Variants in ANO2 observed in about 807,000 individuals in gnomAD.
The protein encoded by ANO2 is anoctamin-2.
A neutral mutation model predicts 124.2 loss-of-function variants in ANO2; 101 were observed. The ratio of observed to expected loss-of-function variants is 0.81; its 90% CI spans 0.69 to 0.96. ANO2 has a LOEUF of 0.96. ANO2 is among the 40% of genes least tolerant of loss of function. The pLI is 0.00. For missense variants in ANO2, 1,293 were observed against 1,274.5 expected (o/e 1.01, Z -0.22); for synonymous variants, 486 against 482.5 (o/e 1.01, Z -0.09).
intron 23 of ANO2, among the ~76,000 whole-genome samples, chr12:5,566,641 G>A (rs137862121): frequency 0.012 from 1,840 of 152,252 alleles, 21 homozygotes; most frequent in Non-Finnish European, 0.021. Context: ...GACTCTGCCC[G>A]GGTCAATCCC....
chr12:5,674,916 G>C (rs1285844512), intron 14 of ANO2, among the ~76,000 whole-genome samples: 1 of 151,982 alleles, frequency 6.6e-6, no homozygotes, highest in Non-Finnish European at 1.5e-5. Context: ...ACGGCTCTTA[G>C]GAACCCACAG....
At chr12:5,590,646 T>G (rs1445198745) in intron 20 of ANO2, among the ~76,000 whole-genome samples, 1 of 152,176 alleles carries the variant, frequency 6.6e-6, no homozygotes, top group African/African-American at 2.4e-5. Context: ...AGGTGGTTTC[T>G]AAAACCCAAA....
chr12:5,809,679 C>T (rs1407688692), intron 7 of ANO2, among the ~76,000 whole-genome samples: 2 of 152,198 alleles, frequency 1.3e-5, no homozygotes, highest in Non-Finnish European at 1.5e-5. Flanking sequence ...CGCCCTATCC[C>T]CCATCTTAAA....
chr12:5,914,960 A>T (rs1397690971), intron 3 of ANO2, among the ~76,000 whole-genome samples: 2 of 152,086 alleles, frequency 1.3e-5, no homozygotes, highest in South Asian at 4.2e-4. Flanking sequence ...GAGTGGGAGG[A>T]GGTGGGCCGA....
At chr12:5,698,502 A>T (rs1949280122) in intron 14 of ANO2, among the ~76,000 whole-genome samples, 3 of 152,252 alleles carry the variant, frequency 2.0e-5, no homozygotes, top group Admixed American at 1.3e-4. Flanking sequence ...AGGAGAAACC[A>T]GACCAGAAAA....
chr12:5,898,360 C>T (rs1371351372), intron 3 of ANO2, among the ~76,000 whole-genome samples: 2 of 152,148 alleles, frequency 1.3e-5, no homozygotes, highest in Non-Finnish European at 1.5e-5. Flanking sequence ...CTGGTCATCA[C>T]CTGCCATATG....
chr12:5,802,411 G>A (rs940291359), intron 9 of ANO2, among the ~76,000 whole-genome samples: 10 of 152,232 alleles, frequency 6.6e-5, no homozygotes, highest in South Asian at 6.2e-4. Context: ...GCTGGGAGGC[G>A]GTGCAGCAAT....
intron 16 of ANO2, among the ~76,000 whole-genome samples, chr12:5,627,928 T>C (rs1945498787): frequency 6.7e-6 from 1 of 150,276 alleles, no homozygotes; most frequent in African/African-American, 2.5e-5. Context: ...TCCCCTTCTC[T>C]ACAAAAAGTT....
chr12:5,830,606 G>A (rs771650708), intron 5 of ANO2, 117 bp from the exon 6 acceptor site: 5 of 738,400 alleles, frequency 6.8e-6, no homozygotes, highest in Non-Finnish European at 1.1e-5. Flanking sequence ...CTTATGAGGT[G>A]CACACACACA....
chr12:5,569,915 G>T (rs1425859358), intron 23 of ANO2, among the ~76,000 whole-genome samples: 4 of 152,180 alleles, frequency 2.6e-5, no homozygotes, highest in African/African-American at 4.8e-5. Context: ...TACACAATAT[G>T]TGTCTATGAA....
At chr12:5,730,861 T>C (rs981287490) in intron 14 of ANO2, among the ~76,000 whole-genome samples, 10 of 152,242 alleles carry the variant, frequency 6.6e-5, no homozygotes, top group African/African-American at 2.4e-4. Flanking sequence ...CATTAGATGC[T>C]TTGAGCTTTG....
chr12:5,610,454 C>T (rs1310219304), intron 19 of ANO2, among the ~76,000 whole-genome samples: 2 of 128,932 alleles, frequency 1.6e-5, no homozygotes, highest in East Asian at 2.2e-4. Context: ...TATATTTATA[C>T]ATAAATATAT....
intron 15 of ANO2, among the ~76,000 whole-genome samples, chr12:5,637,405 GA>G: frequency 6.6e-6 from 1 of 151,336 alleles, no homozygotes; most frequent in African/African-American, 2.4e-5. Context: ...CGGACTAGGG[GA>G]AAAAAAACAA....
intron 3 of ANO2, among the ~76,000 whole-genome samples, chr12:5,870,858 G>A (rs371881933): frequency 2.7e-4 from 41 of 152,214 alleles, no homozygotes; most frequent in Non-Finnish European, 4.0e-4. Context: ...ATGCAGTGGC[G>A]CAGGTCATGC....
chr12:5,750,877 C>T lies in ANO2; in HGVS notation c.1149G>A (p.Val383=), dbSNP rs905990088. Residue 383 remains valine, a synonymous_variant, in exon 11 of 25, where the codon GTG becomes GTA. Coordinates refer to ENST00000682330, the MANE Select transcript of ANO2 (RefSeq NM_001364791.2). ...CAATTGTTGCACATCCATAAAGAAA[C>T]ACAATCACTCCAATTACAGAAGATG... ...LIPSSVIGVI[V]FLYGCATIEE... The T allele has an allele frequency of 4.3e-6, 7 of 1,612,652 alleles. No individual in the cohort carries two copies. The African/African-American group carries it at 9.3e-5, about 22-fold the overall frequency.
At chr12:5,674,207 A>ATAGGTAATTTTAAGTTTGCAG (rs1473638038) in intron 14 of ANO2, among the ~76,000 whole-genome samples, 1 of 152,216 alleles carries the variant, frequency 6.6e-6, no homozygotes, top group Non-Finnish European at 1.5e-5. Flanking sequence ...ACTCTCCACT[A>ATAGGTAATTTTAAGTTTGCAG]TAGGTAATTT....
chr12:5,652,757 T>C (rs1489141692), intron 14 of ANO2, among the ~76,000 whole-genome samples: 3 of 152,154 alleles, frequency 2.0e-5, no homozygotes, highest in African/African-American at 4.8e-5. Flanking sequence ...TTTCATCACA[T>C]CATATCAAGG....
intron 10 of ANO2, among the ~76,000 whole-genome samples, chr12:5,760,558 G>A (rs1951708785): frequency 6.6e-6 from 1 of 152,150 alleles, no homozygotes; most frequent in Non-Finnish European, 1.5e-5. Context: ...GTAACTGCTA[G>A]CTTTTAGGGG....
At chr12:5,723,132 AAGGC>A (rs1950301457) in intron 14 of ANO2, among the ~76,000 whole-genome samples, 2 of 152,068 alleles carry the variant, frequency 1.3e-5, no homozygotes, top group South Asian at 4.1e-4. Flanking sequence ...CTCATTTCCC[AAGGC>A]AGCAATTCTC....
Sources: allele counts gnomAD v4.1 joint callset (sites outside exome capture counted in the v4.1 genomes callset), GRCh38; gene constraint gnomAD v4.1.1; transcripts MANE v1.5; gene names NCBI Gene and HGNC (gene_info 2026-07-23, HGNC 2026-07-21).